Variants in KCNJ16 observed in about 807,000 individuals in gnomAD.
KCNJ16 encodes the protein inward rectifier potassium channel 16.
KCNJ16 carries 15 observed loss-of-function variants against 18.5 expected under a neutral mutation model. That is an observed-to-expected ratio of 0.81 (90% CI 0.54 to 1.25). The LOEUF is 1.25. Ranked by LOEUF, KCNJ16 falls within the 50% of genes most tolerant of loss-of-function variation. The pLI is 0.00. For missense variants in KCNJ16, 523 were observed against 525.7 expected, an observed-to-expected ratio of 0.99 and a Z score of 0.05; for synonymous variants, 174 against 186.5, an observed-to-expected ratio of 0.93 and a Z score of 0.55.
chr17:70,083,252 TGAG>T (rs2071632346), intron 1 of KCNJ16, among the ~76,000 whole-genome samples: 2 of 148,844 alleles, frequency 1.3e-5, no homozygotes, highest in East Asian at 2.0e-4. Context: ...ATGTAGCAGG[TGAG>T]GAGAAGTCCA....
At chr17:70,131,074 C>G in intron 3 of KCNJ16, 99 bp downstream of exon 3, 1 of 1,230,582 alleles carries the variant, frequency 8.1e-7, no homozygotes, top group Non-Finnish European at 1.2e-6. Context: ...CAGGAAAACA[C>G]TGAAAAGCCG....
chr17:70,081,478 CCCAAACAAAA>C (rs796892342), intron 1 of KCNJ16, among the ~76,000 whole-genome samples: 7 of 152,202 alleles, frequency 4.6e-5, no homozygotes, highest in African/African-American at 1.7e-4. Flanking sequence ...CACAGACAGA[CCCAAACAAAA>C]CCAAACAGAA....
chr17:70,083,159 A>G (rs2071626254), intron 1 of KCNJ16, among the ~76,000 whole-genome samples: 1 of 150,490 alleles, frequency 6.6e-6, no homozygotes, highest in South Asian at 2.1e-4. Flanking sequence ...GGTTCAAGCA[A>G]TTCTCTTGCT....
intron 1 of KCNJ16, among the ~76,000 whole-genome samples, chr17:70,095,371 C>G (rs1050256233): frequency 3.3e-5 from 5 of 152,182 alleles, no homozygotes; most frequent in African/African-American, 4.8e-5. Flanking sequence ...GTCAATGACT[C>G]TCAGCTTTCC....
chr17:70,135,489 A>T lies in KCNJ16; in HGVS notation c.*2145A>T, dbSNP rs1391468424. Reference sequence around the variant, plus strand: ...GTAATCAAATGCTTGTACTCAGAAGAGAGTGTAAAATCAGCATTTCTATGT... The same window carrying T: ...GTAATCAAATGCTTGTACTCAGAAGTGAGTGTAAAATCAGCATTTCTATGT... On this transcript the variant is annotated 3_prime_UTR_variant, in exon 4 of 4. Coordinates refer to ENST00000392671, the MANE Select transcript of KCNJ16 (RefSeq NM_170741.4). 1 of 167,060 alleles carries T rather than the reference A, an allele frequency of 6.0e-6. No individual in the cohort carries two copies. The highest frequency in any genetic ancestry group is 6.5e-5 in the Admixed American group (1 of 15,288). 10.3% of individuals were successfully genotyped at this position (167,060 alleles called of 1,614,324 possible).
At chr17:70,111,208 G>A (rs1384207134) in intron 2 of KCNJ16, among the ~76,000 whole-genome samples, 1 of 152,168 alleles carries the variant, frequency 6.6e-6, no homozygotes, top group Non-Finnish European at 1.5e-5. Context: ...GGGTTGCAAT[G>A]CTAGTTTTTT....
Position 70,113,481 on chromosome 17 carries a change from G to C in KCNJ16, c.-191+12715G>C, listed in dbSNP as rs2073272526. On this transcript the variant is annotated intron_variant, in intron 2 of 3. Transcript: ENST00000392671. ...TTGATTGAATTTAAAAATACACAAA[G>C]ATGTGTCCATAGTTTTTTCCAGTCC... Among the ~76,000 whole-genome samples the C allele has an allele frequency of 2.0e-5, 3 of 152,126 alleles. No individual in the cohort carries two copies. The South Asian group carries it at 6.2e-4, about 32-fold the overall frequency.
chr17:70,112,981 C>T (rs771074497), intron 2 of KCNJ16, among the ~76,000 whole-genome samples: 5 of 152,158 alleles, frequency 3.3e-5, no homozygotes, highest in Admixed American at 1.3e-4. Flanking sequence ...AATTCCTAAA[C>T]TTCCTTCTGC....
chr17:70,110,333 T>C (rs2073131633), intron 2 of KCNJ16, among the ~76,000 whole-genome samples: 1 of 152,132 alleles, frequency 6.6e-6, no homozygotes, highest in South Asian at 2.1e-4. Context: ...GTCCTTGAAG[T>C]GAACAGGACG....
intron 1 of KCNJ16, among the ~76,000 whole-genome samples, chr17:70,079,129 G>A (rs954103351): frequency 8.5e-5 from 13 of 152,160 alleles, no homozygotes; most frequent in African/African-American, 3.1e-4. Context: ...AGCGATTATG[G>A]TGGCTGGCAA....
intron 2 of KCNJ16, among the ~76,000 whole-genome samples, chr17:70,117,800 C>T (rs61597582): frequency 0.091 from 13,909 of 152,172 alleles, 2,154 homozygotes; most frequent in African/African-American, 0.32. Context: ...ATAAGACAAG[C>T]ATGGCCCTCG....
chr17:70,123,290 T>C (rs920877310), intron 2 of KCNJ16, among the ~76,000 whole-genome samples: 3 of 152,208 alleles, frequency 2.0e-5, no homozygotes, highest in African/African-American at 4.8e-5. Context: ...GTTTAGCTTA[T>C]AGCATCAAAT....
At chr17:70,131,914 C>T in intron 3 of KCNJ16, 81 bp from the exon 4 acceptor site, 2 of 1,238,094 alleles carry the variant, frequency 1.6e-6, no homozygotes, top group South Asian at 1.5e-5. Context: ...GATGGTATGA[C>T]ACTGCTCCAA....
intron 2 of KCNJ16, among the ~76,000 whole-genome samples, chr17:70,119,000 T>A (rs929767424): frequency 6.6e-6 from 1 of 152,224 alleles, no homozygotes; most frequent in Admixed American, 6.5e-5. Context: ...AGGGGCATTG[T>A]ACAAACAGGC....
At chr17:70,127,665 C>T (rs2073901659) in intron 2 of KCNJ16, among the ~76,000 whole-genome samples, 1 of 152,106 alleles carries the variant, frequency 6.6e-6, no homozygotes, top group Admixed American at 6.6e-5. Flanking sequence ...CCACCTAAGC[C>T]TGTCTTCAAA....
rs760734540 is a variant in KCNJ16, at chr17:70,132,672, G to A, written c.585G>A (p.Gly195=). ...TTGCACTTATAGGTATGAGAGATGG[G>A]AAGCTTTGCCTCATGTGGCGCATTG... ...SYFALIGMRD[G]KLCLMWRIGD... is the part of the protein sequence containing the mutation. The change falls in exon 4 of 4, where the codon GGG becomes GGA. Residue 195 remains glycine, a synonymous_variant. Coordinates refer to ENST00000392671, the MANE Select transcript of KCNJ16 (RefSeq NM_170741.4). 4.3e-6 allele frequency: 7 copies of A among 1,614,184 alleles called. No individual in the cohort carries two copies. The South Asian group carries it at 5.5e-5, about 13-fold the overall frequency.
Position 70,092,556 on chromosome 17 carries a change from AGAT to A in KCNJ16, c.-299-8098_-299-8096del, listed in dbSNP as rs1210482708. On this transcript the variant is annotated intron_variant, in intron 1 of 3. Coordinates refer to ENST00000392671, the MANE Select transcript of KCNJ16 (RefSeq NM_170741.4). ...CAGATAGATATAGATAGATATAGAT[AGAT>A]GATAGATATAGATAGATAGATAGAT... Among the ~76,000 whole-genome samples the A allele has an allele frequency of 4.7e-3, 504 of 107,780 alleles. 2 individuals carry two copies. Among genetic ancestry groups the A allele is most frequent in the East Asian group, 5.6e-3 (20 of 3,576 alleles). 70.7% of individuals were successfully genotyped at this position (107,780 alleles called of 152,430 possible).
At chr17:70,117,050 C>T (rs4510070) in intron 2 of KCNJ16, among the ~76,000 whole-genome samples, 1 of 152,106 alleles carries the variant, frequency 6.6e-6, no homozygotes, top group African/African-American at 2.4e-5. Context: ...TAGAATCAAC[C>T]TAAGTGCCCA....
At chr17:70,088,211 T>A (rs2071925513) in intron 1 of KCNJ16, among the ~76,000 whole-genome samples, 1 of 152,092 alleles carries the variant, frequency 6.6e-6, no homozygotes, top group East Asian at 1.9e-4. Context: ...AGAAGACGAT[T>A]TTTTTCACGG....
Sources: allele counts gnomAD v4.1 joint callset (sites outside exome capture counted in the v4.1 genomes callset), GRCh38; gene constraint gnomAD v4.1.1; transcripts MANE v1.5; gene names NCBI Gene and HGNC (gene_info 2026-07-23, HGNC 2026-07-21).